The following NUDCD1 variants were observed in gnomAD, a reference collection of about 807,000 sequenced individuals.
NUDCD1 encodes nudC domain-containing protein 1.
Under a neutral mutation model 67.8 loss-of-function variants are expected in NUDCD1, and 60 were observed. That is an observed-to-expected ratio of 0.88 (90% CI 0.72 to 1.10). NUDCD1 has a LOEUF of 1.10. NUDCD1 is among the 50% of genes least tolerant of loss of function. NUDCD1 has a pLI of 0.00. For missense variants in NUDCD1, 643 were observed against 695.0 expected (o/e 0.93, Z 0.84); for synonymous variants, 244 against 230.8 (o/e 1.06, Z -0.52).
At chr8:109,289,394 GCTTAA>G (rs1487575807) in intron 5 of NUDCD1, among the ~76,000 whole-genome samples, 4 of 152,036 alleles carry the variant, frequency 2.6e-5, no homozygotes, top group African/African-American at 7.2e-5. Context: ...AGGTACATTA[GCTTAA>G]CTTATTTTTA....
intron 8 of NUDCD1, among the ~76,000 whole-genome samples, chr8:109,264,108 T>C (rs1186086733): frequency 2.0e-5 from 3 of 152,220 alleles, no homozygotes; most frequent in Non-Finnish European, 1.5e-5. Context: ...AGTACCATGG[T>C]TGTACTTGGG....
intron 2 of NUDCD1, among the ~76,000 whole-genome samples, chr8:109,312,397 T>C (rs1204965217): frequency 6.6e-6 from 1 of 150,970 alleles, no homozygotes; most frequent in Non-Finnish European, 1.5e-5. Context: ...AATCTTACAC[T>C]AGTAATGACA....
At chr8:109,268,933 A>C (rs1008613599) in intron 8 of NUDCD1, among the ~76,000 whole-genome samples, 3 of 152,074 alleles carry the variant, frequency 2.0e-5, no homozygotes. Context: ...AAAAATCAAA[A>C]CAGCTCCAAT....
At position 109,322,206 on chromosome 8, in the gene NUDCD1, G is replaced by A. The variant is rs562813805; in HGVS notation, c.273+103C>T. 7.4e-4 allele frequency: 418 copies of A among 562,090 alleles called. 9 individuals carry two copies. The South Asian group carries it at 0.012, about 17-fold the overall frequency. 34.8% of individuals were successfully genotyped at this position (562,090 alleles called of 1,614,324 possible). On this transcript the variant is annotated intron_variant, in intron 2 of 9. Coordinates refer to ENST00000239690, the MANE Select transcript of NUDCD1 (RefSeq NM_032869.4). Reference sequence around the variant, plus strand: ...AGGATTCCATATACTACAGGTATGTGCACCTCACTTCTCTGGATATTAGAT... The same window carrying A: ...AGGATTCCATATACTACAGGTATGTACACCTCACTTCTCTGGATATTAGAT...
intron 6 of NUDCD1, 114 bp from the exon 7 acceptor site, chr8:109,275,610 G>T: frequency 1.0e-6 from 1 of 985,544 alleles, no homozygotes; most frequent in Non-Finnish European, 1.5e-6. Flanking sequence ...CCGGTGTCCA[G>T]AGGATGGTTT....
chr8:109,275,123 C>T (rs1814252017), intron 7 of NUDCD1, among the ~76,000 whole-genome samples: 1 of 152,042 alleles, frequency 6.6e-6, no homozygotes, highest in Admixed American at 6.6e-5. Context: ...TAAACAGATA[C>T]AGGCAAACCC....
rs1390089694 is a variant in NUDCD1 at position 109,242,776 on chromosome 8, T to C, written c.*233A>G. 3 of 297,352 alleles carry C rather than the reference T, an allele frequency of 1.0e-5. No individual in the cohort carries two copies. Among genetic ancestry groups the C allele is most frequent in the Non-Finnish European group, 1.8e-5 (3 of 163,200 alleles). The allele number at this position is 297,352 out of a possible 1,614,324, so 18.4% of individuals were successfully genotyped here. On this transcript the variant is annotated 3_prime_UTR_variant, in exon 10 of 10. Transcript: ENST00000239690. The stretch of plus-strand genomic sequence containing the variant: ...AAAAAATAAGTATACTTGCTAGTAC[T>C]ATCTTCACTCTTTTTTTTTTTCAGA...
chr8:109,292,325 A>T lies in NUDCD1; in HGVS notation c.640+1019T>A, dbSNP rs529416131. Among the ~76,000 whole-genome samples, 168 of 152,214 alleles carry T rather than the reference A, an allele frequency of 1.1e-3. 1 individual carries two copies. The highest frequency in any genetic ancestry group is 3.9e-3 in the African/African-American group (164 of 41,578). On this transcript the variant is annotated intron_variant, in intron 4 of 9. Transcript: ENST00000239690. The stretch of plus-strand genomic sequence containing the variant: ...GTTACTGTGTTCCTCCAGAGATAAA[A>T]CTACAACACCAAAAAGAACTAATAA...
At chr8:109,295,050 CAGTATATGCTAA>C (rs1814809411) in intron 3 of NUDCD1, among the ~76,000 whole-genome samples, 1 of 151,904 alleles carries the variant, frequency 6.6e-6, no homozygotes, top group African/African-American at 2.4e-5. Context: ...TTCATTAGGG[CAGTATATGCTAA>C]AGAAGGCACA....
intron 8 of NUDCD1, among the ~76,000 whole-genome samples, chr8:109,252,480 A>C (rs1020049972): frequency 5.3e-5 from 8 of 152,130 alleles, no homozygotes; most frequent in African/African-American, 1.9e-4. Context: ...GCAAGACTTC[A>C]TACTTTTCCC....
intron 1 of NUDCD1, chr8:109,329,796 C>G (rs1258317706): frequency 6.5e-7 from 1 of 1,549,112 alleles, no homozygotes; most frequent in Non-Finnish European, 8.7e-7. Context: ...AAATTTATGT[C>G]CTACTTACCA....
At chr8:109,326,448 C>G (rs1480341892) in intron 1 of NUDCD1, among the ~76,000 whole-genome samples, 1 of 152,160 alleles carries the variant, frequency 6.6e-6, no homozygotes, top group East Asian at 1.9e-4. Flanking sequence ...CAGTTCTTAG[C>G]TACTGGCAGA....
chr8:109,258,294 A>T (rs927411267), intron 8 of NUDCD1, among the ~76,000 whole-genome samples: 2 of 152,126 alleles, frequency 1.3e-5, no homozygotes, highest in African/African-American at 2.4e-5. Flanking sequence ...TTCCCACTGC[A>T]CTGCTATGTC....
At chr8:109,317,123 TA>T (rs1815419573) in intron 2 of NUDCD1, among the ~76,000 whole-genome samples, 1 of 152,164 alleles carries the variant, frequency 6.6e-6, no homozygotes, top group Non-Finnish European at 1.5e-5. Flanking sequence ...TTTCCTCTAA[TA>T]AAAATACATA....
chr8:109,317,532 T>C (rs1015605836), intron 2 of NUDCD1, among the ~76,000 whole-genome samples: 2 of 152,180 alleles, frequency 1.3e-5, no homozygotes, highest in Admixed American at 6.5e-5. Context: ...CAGGATATTA[T>C]CCTATGAGAA....
chr8:109,298,943 C>T (rs1411525385), intron 2 of NUDCD1: 2 of 152,362 alleles, frequency 1.3e-5, no homozygotes, highest in African/African-American at 4.8e-5. Context: ...AGTACCCAAA[C>T]TGTGGAAGTA....
Position 109,293,496 on chromosome 8 carries a change from G to T in NUDCD1, c.488C>A (p.Pro163His). Reference sequence around the variant, plus strand: ...TGAGATACTGTGAATTATAATAAAAGGATCCCCAAGTTCTTCATTAAACAT... The same window carrying T: ...TGAGATACTGTGAATTATAATAAAATGATCCCCAAGTTCTTCATTAAACAT... ...EIMFNEELGD[P>H]FIIIHSISLL... Residue 163 changes from proline to histidine, a missense_variant, in exon 4 of 10, where the codon CCT (proline) becomes CAT (histidine). Physicochemically the swap from Pro to His is moderately conservative, Grantham distance 77. Transcript: ENST00000239690. 6.4e-7 allele frequency: 1 copy of T among 1,556,666 alleles called. No homozygotes were observed.
intron 7 of NUDCD1, 44 bp downstream of exon 7, chr8:109,275,308 T>C: frequency 6.4e-7 from 1 of 1,572,462 alleles, no homozygotes; most frequent in Non-Finnish European, 8.6e-7. Context: ...ACATAACATA[T>C]TTTTGGACCC....
chr8:109,242,892 A>C lies in NUDCD1; in HGVS notation c.*117T>G, dbSNP rs1813398474. ...ATTTCCAATGTTATTAAAAAATAAA[A>C]AATCATACAAGATATATTTAGCACA... On this transcript the variant is annotated 3_prime_UTR_variant, in exon 10 of 10. Coordinates refer to ENST00000239690, the MANE Select transcript of NUDCD1 (RefSeq NM_032869.4). The C allele has an allele frequency of 1.8e-6, 1 of 566,832 alleles. No individual in the cohort carries two copies. Among genetic ancestry groups the C allele is most frequent in the Middle Eastern group, 5.0e-4 (1 of 2,012 alleles). 35.1% of individuals were successfully genotyped at this position (566,832 alleles called of 1,614,324 possible). A position where few individuals can be genotyped will look rare whatever the true frequency, so the allele number is the denominator to read the frequency against.
Sources: allele counts gnomAD v4.1 joint callset (sites outside exome capture counted in the v4.1 genomes callset), GRCh38; gene constraint gnomAD v4.1.1; transcripts MANE v1.5; gene names NCBI Gene and HGNC (gene_info 2026-07-23, HGNC 2026-07-21).